Variants in DFFB observed in about 807,000 individuals in gnomAD.
The protein encoded by DFFB is DNA fragmentation factor 40 kDa subunit.
DFFB carries 29 observed loss-of-function variants against 32.7 expected under a neutral mutation model. The ratio of observed to expected loss-of-function variants is 0.89; its 90% CI spans 0.66 to 1.21. The LOEUF (loss-of-function observed/expected upper bound fraction) is 1.21, where lower values mean the gene tolerates loss of function less well. Among genes scored for constraint, DFFB ranks in the 50% most tolerant of loss-of-function variants. The probability of loss-of-function intolerance (pLI) is 0.00; values close to 1 mark genes in which losing one functional copy is unlikely to be tolerated. For missense variants in DFFB, 398 were observed against 440.6 expected (o/e 0.90, Z 0.87); for synonymous variants, 170 against 177.1 (o/e 0.96, Z 0.32).
chr1:3,858,919 C>T (rs1470226881), intron 2 of DFFB, 75 bp downstream of exon 2: 1 of 1,579,718 alleles, frequency 6.3e-7, no homozygotes, highest in Non-Finnish European at 8.6e-7. Flanking sequence ...CTCCAGGTGC[C>T]CATCAGGGTG....
chr1:3,866,016 A>C lies in DFFB; in HGVS notation c.430+16A>C. On this transcript the variant is annotated intron_variant, in intron 3 of 6. Transcript: ENST00000378209. Reference sequence around the variant, plus strand: ...TGGTTTGAAGGTGCGTGGGGGCTGCAGCTGGCAGGGGAGAGGCTTCTTTGG... The same window carrying C: ...TGGTTTGAAGGTGCGTGGGGGCTGCCGCTGGCAGGGGAGAGGCTTCTTTGG... 6.5e-7 allele frequency: 1 copy of C among 1,533,350 alleles called. No homozygotes were observed. Among genetic ancestry groups the C allele is most frequent in the Non-Finnish European group, 8.8e-7 (1 of 1,140,548 alleles). The allele number at this position is 1,533,350 out of a possible 1,614,324, so 95.0% of individuals were successfully genotyped here. A position where few individuals can be genotyped will look rare whatever the true frequency, so the allele number is the denominator to read the frequency against.
At chr1:3,866,413 G>A (rs560921488) in intron 3 of DFFB, 8 of 242,918 alleles carry the variant, frequency 3.3e-5, no homozygotes, top group East Asian at 3.1e-4. Flanking sequence ...GTGCAACCAC[G>A]CCCTGCCAAT....
At chr1:3,875,088 G>A (rs568935446) in intron 6 of DFFB, among the ~76,000 whole-genome samples, 2 of 152,330 alleles carry the variant, frequency 1.3e-5, no homozygotes, top group African/African-American at 4.8e-5. Flanking sequence ...GCTTAGATTC[G>A]GCATATTCAT....
intron 4 of DFFB, 113 bp downstream of exon 4, chr1:3,868,166 T>A: frequency 1.0e-6 from 1 of 961,872 alleles, no homozygotes; most frequent in Non-Finnish European, 1.7e-6. Context: ...CACTCCGTGC[T>A]TGCGTGGATC....
At chr1:3,858,672 C>G (rs370380322) in intron 1 of DFFB, 46 bp from the exon 2 acceptor site, 7 of 1,599,050 alleles carry the variant, frequency 4.4e-6, no homozygotes, top group Non-Finnish European at 6.0e-6. Context: ...GCAAAGCCCT[C>G]GTCTTGAGAC....
rs1479643424 is a variant in DFFB, at chr1:3,865,142, CA to C, written c.242-669del. On this transcript the variant is annotated intron_variant, in intron 2 of 6. Coordinates refer to ENST00000378209, the MANE Select transcript of DFFB (RefSeq NM_004402.4). The surrounding 1 kb of genome is among the most constrained non-coding windows in gnomAD (Gnocchi z 4.7). ...CAGTGTGTTGATTTTCTCTTTTACGCAGTGCTTTTGATGTTAGGTCTAAGGA... is the reference window on the plus strand; with the variant it reads ...CAGTGTGTTGATTTTCTCTTTTACGCGTGCTTTTGATGTTAGGTCTAAGGA... Among the ~76,000 whole-genome samples, 1 of 151,842 alleles carries C rather than the reference CA, an allele frequency of 6.6e-6. No homozygotes were observed. Among genetic ancestry groups the C allele is most frequent in the Non-Finnish European group, 1.5e-5 (1 of 67,984 alleles).
At chr1:3,869,975 G>A (rs1188270212) in intron 5 of DFFB, among the ~76,000 whole-genome samples, 200 bp downstream of exon 5, 1 of 152,240 alleles carries the variant, frequency 6.6e-6, no homozygotes, top group African/African-American at 2.4e-5. Flanking sequence ...AGGAATCCCT[G>A]GGGAGCTTGC....
chr1:3,862,238 C>T (rs544734224), intron 2 of DFFB, among the ~76,000 whole-genome samples: 1 of 152,142 alleles, frequency 6.6e-6, no homozygotes, highest in Non-Finnish European at 1.5e-5. Flanking sequence ...GGATTAACAT[C>T]CCATGTTCAT....
Position 3,883,799 on chromosome 1 carries a change from A to T in DFFB, c.*58A>T, listed in dbSNP as rs1426682103. ...GGCCTGACGTGGGCATCATTTTAAC[A>T]GGTGCCTTTTTTGTTTTTTTGTTTT... On this transcript the variant is annotated 3_prime_UTR_variant, in exon 7 of 7. Transcript: ENST00000378209. 5 of 1,490,164 alleles carry T rather than the reference A, an allele frequency of 3.4e-6. No homozygotes were observed. The highest frequency in any genetic ancestry group is 4.6e-6 in the Non-Finnish European group (5 of 1,086,200). The allele number at this position is 1,490,164 out of a possible 1,614,324, so 92.3% of individuals were successfully genotyped here. A position where few individuals can be genotyped will look rare whatever the true frequency, so the allele number is the denominator to read the frequency against.
intron 2 of DFFB, among the ~76,000 whole-genome samples, chr1:3,863,544 C>G (rs999543031): frequency 6.6e-6 from 1 of 152,170 alleles, no homozygotes; most frequent in African/African-American, 2.4e-5. Context: ...CACGTCCACA[C>G]CAAAACTCGT....
chr1:3,882,784 T>C (rs1232126394), intron 6 of DFFB, among the ~76,000 whole-genome samples: 2 of 152,202 alleles, frequency 1.3e-5, no homozygotes, highest in African/African-American at 4.8e-5. Flanking sequence ...GACATAAGAT[T>C]ACAAGTGGTA....
rs371236966 is a variant in DFFB at position 3,883,782 on chromosome 1, G to C, written c.*41G>C. The C allele has an allele frequency of 1.9e-6, 3 of 1,563,548 alleles. No homozygotes were observed. The highest frequency in any genetic ancestry group is 2.6e-6 in the Non-Finnish European group (3 of 1,140,492). The stretch of plus-strand genomic sequence containing the variant: ...TCCTGGTCTTTGTTTGAGGCCTGAC[G>C]TGGGCATCATTTTAACAGGTGCCTT... On this transcript the variant is annotated 3_prime_UTR_variant, in exon 7 of 7. Coordinates refer to ENST00000378209, the MANE Select transcript of DFFB (RefSeq NM_004402.4).
chr1:3,863,012 G>A (rs1419563730), intron 2 of DFFB, among the ~76,000 whole-genome samples: 4 of 152,172 alleles, frequency 2.6e-5, no homozygotes, highest in East Asian at 3.8e-4. Flanking sequence ...AGCCGGGCGT[G>A]GTGGCAGGCG....
chr1:3,862,481 G>A (rs569506052), intron 2 of DFFB, among the ~76,000 whole-genome samples: 1 of 152,316 alleles, frequency 6.6e-6, no homozygotes, highest in African/African-American at 2.4e-5. Flanking sequence ...CAAAGCCACA[G>A]TAATCAAGAC....
intron 2 of DFFB, among the ~76,000 whole-genome samples, chr1:3,862,898 C>G (rs1275180752): frequency 6.6e-6 from 1 of 152,084 alleles, no homozygotes; most frequent in Admixed American, 6.6e-5. Flanking sequence ...GCCTGTAATC[C>G]CAGCACTTTG....
chr1:3,866,583 A>T (rs1644985194), intron 3 of DFFB, among the ~76,000 whole-genome samples: 1 of 151,962 alleles, frequency 6.6e-6, no homozygotes, highest in East Asian at 1.9e-4. Context: ...TATGACATAA[A>T]ATTTACCTTC....
intron 2 of DFFB, among the ~76,000 whole-genome samples, chr1:3,863,478 A>T (rs922133202): frequency 6.6e-6 from 1 of 152,208 alleles, no homozygotes; most frequent in Non-Finnish European, 1.5e-5. Context: ...ATTACACAGA[A>T]TCGCCATGTG....
chr1:3,870,486 T>G (rs1353783600), intron 5 of DFFB, among the ~76,000 whole-genome samples: 1 of 152,202 alleles, frequency 6.6e-6, no homozygotes, highest in African/African-American at 2.4e-5. Context: ...ATAAAAACGC[T>G]TCTTCCAAGT....
chr1:3,865,671 C>A lies in DFFB; in HGVS notation c.242-141C>A, dbSNP rs1394409939. On this transcript the variant is annotated intron_variant, in intron 2 of 6. Transcript: ENST00000378209. This position sits in a 1 kb window ranked among gnomAD's most constrained non-coding sequence, Gnocchi z 4.7. ...TTGGTGTCAGGGCAAGGACAAAGAC[C>A]CGGGACACCTCAAGTCTGAGTCCTG... 4 of 1,341,302 alleles carry A rather than the reference C, an allele frequency of 3.0e-6. No individual in the cohort carries two copies. Among genetic ancestry groups the A allele is most frequent in the East Asian group, 2.3e-5 (1 of 43,472 alleles). The allele number at this position is 1,341,302 out of a possible 1,614,324, so 83.1% of individuals were successfully genotyped here.
Sources: allele counts gnomAD v4.1 joint callset (sites outside exome capture counted in the v4.1 genomes callset), GRCh38; gene constraint gnomAD v4.1.1; non-coding constraint Gnocchi (gnomAD v3.1); transcripts MANE v1.5; gene names NCBI Gene and HGNC (gene_info 2026-07-23, HGNC 2026-07-21).